Variants in KLF12 observed in about 807,000 individuals in gnomAD.
The protein encoded by KLF12 is Krueppel-like factor 12.
Under a neutral mutation model 37.8 loss-of-function variants are expected in KLF12, and 9 were observed. That is an observed-to-expected ratio of 0.24 (90% confidence interval 0.14 to 0.42). The LOEUF (loss-of-function observed/expected upper bound fraction) is 0.42. KLF12 is among the 10% of genes least tolerant of loss of function. The pLI is 1.00. For synonymous variants in KLF12, 208 were observed against 202.1 expected, an observed-to-expected ratio of 1.03 and a Z score of -0.25; for missense variants, 411 against 516.0, an observed-to-expected ratio of 0.80 and a Z score of 1.97.
chr13:73,852,294 A>G lies in KLF12; in HGVS notation c.124-5921T>C, dbSNP rs149451912. On this transcript the variant is annotated intron_variant, in intron 3 of 7. Transcript: ENST00000377669. ...AACTGACAAAAACGTAAAGCAAAGTATACTAAAGAAAGATAAATTGTACTT... is the reference window on the plus strand; with the variant it reads ...AACTGACAAAAACGTAAAGCAAAGTGTACTAAAGAAAGATAAATTGTACTT... Among the ~76,000 whole-genome samples the G allele has an allele frequency of 5.9e-3, 894 of 152,346 alleles. 4 individuals are homozygous for G. The highest frequency in any genetic ancestry group is 0.01 in the Middle Eastern group (3 of 294).
At chr13:74,049,700 C>A (rs986275546) in intron 1 of KLF12, among the ~76,000 whole-genome samples, 1 of 151,930 alleles carries the variant, frequency 6.6e-6, no homozygotes, top group Non-Finnish European at 1.5e-5. Context: ...GGAATTCCAG[C>A]GTGGGATAAT....
At chr13:73,700,199 G>A (rs1593973761) in intron 7 of KLF12, among the ~76,000 whole-genome samples, 1 of 152,146 alleles carries the variant, frequency 6.6e-6, no homozygotes, top group African/African-American at 2.4e-5. Context: ...CCCAGGAGGT[G>A]GAGGTTGCAG....
intron 2 of KLF12, among the ~76,000 whole-genome samples, chr13:73,975,936 C>T (rs1891506851): frequency 1.3e-5 from 2 of 152,146 alleles, no homozygotes; most frequent in Non-Finnish European, 1.5e-5. Flanking sequence ...GTCACAGAAC[C>T]ACATACTTCC....
chr13:73,888,893 C>T (rs1359250616), intron 3 of KLF12, among the ~76,000 whole-genome samples: 1 of 152,150 alleles, frequency 6.6e-6, no homozygotes, highest in Non-Finnish European at 1.5e-5. Context: ...TCACTTAAGT[C>T]ACTCCACTGC....
chr13:73,835,759 CAA>C (rs1213217587), intron 4 of KLF12, among the ~76,000 whole-genome samples: 8 of 152,214 alleles, frequency 5.3e-5, no homozygotes, highest in Admixed American at 4.6e-4. Context: ...AGTTAATGAA[CAA>C]AAGTTTCATG....
chr13:74,020,185 G>T (rs904794382), intron 1 of KLF12, among the ~76,000 whole-genome samples: 1 of 152,086 alleles, frequency 6.6e-6, no homozygotes, highest in African/African-American at 2.4e-5. Flanking sequence ...TAATATTTGG[G>T]TTTTTTTCCA....
chr13:74,170,278 A>C, the KLF12 span, among the ~76,000 whole-genome samples: 1 of 152,252 alleles, frequency 6.6e-6, no homozygotes, highest in Non-Finnish European at 1.5e-5. Flanking sequence ...TTTCAATGTC[A>C]GTGTCCGGAA....
At chr13:74,020,870 G>A (rs908750624) in intron 1 of KLF12, among the ~76,000 whole-genome samples, 3 of 146,764 alleles carry the variant, frequency 2.0e-5, no homozygotes, top group Admixed American at 1.4e-4. Flanking sequence ...CAGCCTGGGC[G>A]ACAGAGCCAC....
chr13:73,718,880 C>T (rs554108849), intron 6 of KLF12, among the ~76,000 whole-genome samples: 6 of 151,974 alleles, frequency 3.9e-5, no homozygotes, highest in African/African-American at 1.5e-4. Flanking sequence ...GGTGAAAGAG[C>T]GAGACCTGTC....
intron 6 of KLF12, among the ~76,000 whole-genome samples, chr13:73,726,890 T>G (rs931346236): frequency 1.3e-5 from 2 of 152,222 alleles, no homozygotes; most frequent in African/African-American, 4.8e-5. Context: ...GGTTGTACCA[T>G]TTTATAATTT....
chr13:74,168,469 C>T, the KLF12 span, among the ~76,000 whole-genome samples: 2 of 152,204 alleles, frequency 1.3e-5, no homozygotes, highest in African/African-American at 4.8e-5. Context: ...GTCCTCATGC[C>T]AACCTGGGTG....
chr13:74,160,844 A>C, the KLF12 span, among the ~76,000 whole-genome samples: 1 of 152,132 alleles, frequency 6.6e-6, no homozygotes, highest in South Asian at 2.1e-4. Flanking sequence ...GCAAGTACAC[A>C]AGGCTCGTTG....
the KLF12 span, among the ~76,000 whole-genome samples, chr13:74,230,224 T>TC: frequency 2.6e-5 from 4 of 152,042 alleles, no homozygotes; most frequent in African/African-American, 9.7e-5. Context: ...ATAAGGAGCT[T>TC]CCCCCTTCAC....
chr13:74,263,195 A>T, the KLF12 span, among the ~76,000 whole-genome samples: 1,339 of 152,312 alleles, frequency 8.8e-3, 17 homozygotes, highest in African/African-American at 0.031. Context: ...CTTATAGCTA[A>T]GTAAAAAATA....
At chr13:74,241,870 G>A in the KLF12 span, among the ~76,000 whole-genome samples, 1 of 152,148 alleles carries the variant, frequency 6.6e-6, no homozygotes. Flanking sequence ...GATGAACCCG[G>A]TACCTCAGAT....
chr13:74,303,139 C>T, the KLF12 span, among the ~76,000 whole-genome samples: 1 of 152,098 alleles, frequency 6.6e-6, no homozygotes, highest in African/African-American at 2.4e-5. Context: ...ATACTTTCTT[C>T]CTACACTTGA....
intron 5 of KLF12, among the ~76,000 whole-genome samples, chr13:73,775,590 T>C (rs1469461519): frequency 1.3e-5 from 2 of 152,250 alleles, no homozygotes; most frequent in Non-Finnish European, 2.9e-5. Flanking sequence ...ATTAAGGTTC[T>C]AGTTCTTTAT....
chr13:73,921,592 T>C (rs1484711223), intron 3 of KLF12, among the ~76,000 whole-genome samples: 2 of 152,168 alleles, frequency 1.3e-5, no homozygotes, highest in Non-Finnish European at 2.9e-5. Context: ...GAATCAAATG[T>C]AATGGTAAAA....
At chr13:73,859,663 T>C (rs918304171) in intron 3 of KLF12, among the ~76,000 whole-genome samples, 9 of 152,210 alleles carry the variant, frequency 5.9e-5, no homozygotes, top group African/African-American at 1.9e-4. Context: ...TCTTATTTAG[T>C]TCCCGTTTGT....
Sources: gnomAD v4.1 joint callset for allele counts (sites outside exome capture counted in the v4.1 genomes callset) on GRCh38, gnomAD v4.1.1 for gene constraint, MANE v1.5 for transcripts, NCBI Gene and HGNC (gene_info 2026-07-23, HGNC 2026-07-21) for gene names.